Variants in TRIOBP observed in about 807,000 individuals in gnomAD.
The protein encoded by TRIOBP is TRIO and F-actin binding protein, also known as TRIO and F-actin-binding protein.
A neutral mutation model predicts 238.8 loss-of-function variants in TRIOBP; 169 were observed. That is an observed-to-expected ratio of 0.71 (90% CI 0.62 to 0.80). The LOEUF is 0.80. TRIOBP is among the 30% of genes least tolerant of loss of function. TRIOBP has a pLI of 0.00. For synonymous variants in TRIOBP, 1,150 were observed against 1,274.4 expected (o/e 0.90, Z 2.08); for missense variants, 2,838 against 3,122.6 (o/e 0.91, Z 2.17).
intron 11 of TRIOBP, among the ~76,000 whole-genome samples, chr22:37,741,843 A>G (rs1027471360): frequency 2.6e-5 from 4 of 152,212 alleles, no homozygotes; most frequent in Non-Finnish European, 4.4e-5. Flanking sequence ...ACATCTGTCT[A>G]TTAGGAAAAA....
At chr22:37,723,123 G>A (rs1353609305) in intron 6 of TRIOBP, 62 bp from the exon 7 acceptor site, 13 of 1,571,022 alleles carry the variant, frequency 8.3e-6, no homozygotes, top group Non-Finnish European at 1.1e-5. Context: ...ACAAAGAAAG[G>A]TAGAATATGA....
chr22:37,721,023 A>G (rs62236747), intron 6 of TRIOBP, among the ~76,000 whole-genome samples: 2 of 84,640 alleles, frequency 2.4e-5, no homozygotes, highest in Non-Finnish European at 4.2e-5. Context: ...GCATCCGGCT[A>G]ATTTTTTTTT....
intron 8 of TRIOBP, among the ~76,000 whole-genome samples, chr22:37,733,831 C>T (rs978168567): frequency 5.3e-5 from 8 of 152,110 alleles, no homozygotes; most frequent in African/African-American, 1.9e-4. Flanking sequence ...CCACCACACC[C>T]AACTAATTTT....
intron 7 of TRIOBP, among the ~76,000 whole-genome samples, chr22:37,729,898 G>A (rs186660975): frequency 1.2e-4 from 18 of 152,236 alleles, no homozygotes; most frequent in Admixed American, 7.8e-4. Context: ...GCTTATGAGC[G>A]GGTGGCTGTA....
intron 6 of TRIOBP, 102 bp from the exon 7 acceptor site, chr22:37,723,082 TG>T: frequency 2.6e-6 from 3 of 1,149,142 alleles, no homozygotes; most frequent in Non-Finnish European, 3.8e-6. Flanking sequence ...GAGGAGGGTG[TG>T]GGGTTTGCCC....
intron 3 of TRIOBP, among the ~76,000 whole-genome samples, chr22:37,707,628 C>A (rs1028692725): frequency 6.6e-6 from 1 of 151,346 alleles, no homozygotes; most frequent in Non-Finnish European, 1.5e-5. Context: ...AACATGGAGT[C>A]AAAAAATCTG....
chr22:37,772,771 G>A lies in TRIOBP; in HGVS notation c.*2+7G>A. 1 of 1,612,030 alleles carries A rather than the reference G, an allele frequency of 6.2e-7. No homozygotes were observed. On this transcript the variant is annotated splice_region_variant and intron_variant, in intron 23 of 23. Coordinates refer to ENST00000644935, the MANE Select transcript of TRIOBP (RefSeq NM_001039141.3). Reference sequence around the variant, plus strand: ...ACAGCCTGGCTGAGTAGAGGTGGATGCCGAGGCGTGTGCCCTGCAGGGTGG... The same window carrying A: ...ACAGCCTGGCTGAGTAGAGGTGGATACCGAGGCGTGTGCCCTGCAGGGTGG...
chr22:37,771,589 A>C, intron 21 of TRIOBP, 61 bp from the exon 22 acceptor site: 1 of 1,485,424 alleles, frequency 6.7e-7, no homozygotes, highest in Non-Finnish European at 9.4e-7. Context: ...GCTGCAGGGC[A>C]CTATGGGCCA....
Position 37,735,242 on chromosome 22 carries a change from G to C in TRIOBP, c.4906G>C (p.Ala1636Pro), listed in dbSNP as rs754949855. Residue 1636 changes from alanine to proline, a missense_variant, in exon 9 of 24, where the codon GCC (alanine) becomes CCC (proline). Ala to Pro is a conservative substitution (Grantham distance 27). Transcript: ENST00000644935. ...SHSQPEGWAE[A>P]TPVNGHSPAL... Reference sequence around the variant, plus strand: ...CAGCCAGCCAGAAGGCTGGGCCGAGGCCACCCCAGTCAATGGACACAGCCC... The same window carrying C: ...CAGCCAGCCAGAAGGCTGGGCCGAGCCCACCCCAGTCAATGGACACAGCCC... The C allele has an allele frequency of 4.4e-6, 7 of 1,604,184 alleles. No individual in the cohort carries two copies. In the Admixed American group the frequency reaches 8.4e-5, roughly 19 times the overall value.
At chr22:37,733,489 C>G (rs1314275518) in intron 8 of TRIOBP, 77 bp downstream of exon 8, 16 of 1,174,784 alleles carry the variant, frequency 1.4e-5, no homozygotes, top group Non-Finnish European at 1.2e-6. Flanking sequence ...AGAAGCCAGG[C>G]AGGGGGCTTG....
rs1411701835 is a variant in TRIOBP at position 37,774,179 on chromosome 22, CCT to C, written c.*402_*403del. The stretch of plus-strand genomic sequence containing the variant: ...GCTGTGTGCCTCCAACCCTGGTCCC[CCT>C]CTGTCTCCAGCCACCCTCTGCTTGG... On this transcript the variant is annotated 3_prime_UTR_variant, in exon 24 of 24. Coordinates refer to ENST00000644935, the MANE Select transcript of TRIOBP (RefSeq NM_001039141.3). 6.6e-6 allele frequency: 1 copy of C among 152,446 alleles called. No individual in the cohort carries two copies. Among genetic ancestry groups the C allele is most frequent in the Admixed American group, 6.5e-5 (1 of 15,286 alleles). 9.4% of individuals were successfully genotyped at this position (152,446 alleles called of 1,614,324 possible). A position where few individuals can be genotyped will look rare whatever the true frequency, so the allele number is the denominator to read the frequency against.
intron 7 of TRIOBP, 115 bp from the exon 8 acceptor site, chr22:37,733,183 G>C (rs2145841129): frequency 6.2e-6 from 5 of 808,612 alleles, no homozygotes; most frequent in Non-Finnish European, 1.1e-5. Flanking sequence ...CCTTCAACGA[G>C]CTTGCAGTGG....
chr22:37,742,998 C>T (rs918219198), intron 11 of TRIOBP, among the ~76,000 whole-genome samples: 10 of 152,176 alleles, frequency 6.6e-5, no homozygotes, highest in South Asian at 4.1e-4. Flanking sequence ...CTCTGGCTGA[C>T]CTCAGAGCCC....
intron 17 of TRIOBP, among the ~76,000 whole-genome samples, chr22:37,761,320 G>T (rs1249664162): frequency 6.6e-6 from 1 of 152,014 alleles, no homozygotes. Context: ...AGGGCATGGT[G>T]GTGGGCGCCT....
In TRIOBP at chr22:37,735,270, C is replaced by T. The variant is rs1290663527; in HGVS notation, c.4934C>T (p.Ala1645Val). The part of the protein sequence containing the change: ...EATPVNGHSP[A>V]LQSQSPVQLP... ...ACCCCAGTCAATGGACACAGCCCCG[C>T]ACTGCAGTCCCAGAGCCCGGTCCAG... The change falls in exon 9 of 24, where the codon GCA becomes GTA. Residue 1645 changes from alanine (A) to valine (V), a missense_variant. Physicochemically the swap from Ala to Val is moderately conservative, Grantham distance 64. This residue lies in a region of TRIOBP where 2,096 missense variants were observed against 2,137.4 expected (regional missense o/e 0.98). Coordinates refer to ENST00000644935, the MANE Select transcript of TRIOBP (RefSeq NM_001039141.3). 6.2e-7 allele frequency: 1 copy of T among 1,609,376 alleles called. No individual in the cohort carries two copies. The highest frequency in any genetic ancestry group is 8.5e-7 in the Non-Finnish European group (1 of 1,176,630).
Position 37,724,898 on chromosome 22 carries a change from C to G in TRIOBP, c.2342C>G (p.Ser781Cys). The G allele has an allele frequency of 1.2e-6, 2 of 1,613,440 alleles. No individual in the cohort carries two copies. The highest frequency in any genetic ancestry group is 1.7e-6 in the Non-Finnish European group (2 of 1,179,834). Residue 781 changes from serine to cysteine, a missense_variant, in exon 7 of 24, where the codon TCC (serine) becomes TGC (cysteine). Ser to Cys is a moderately radical substitution (Grantham distance 112). Transcript: ENST00000644935. ...ACCCGACAGGACAATCCCAGGACCT[C>G]CTCTCCCAATAGAGCCACACGAGAC... ...SCTRQDNPRT[S>C]SPNRATRDNP...
rs1260357296 is a variant in TRIOBP, at chr22:37,747,440, C to G, written c.5323-4332C>G. ...GGCCTCTTTCAGGGGAGTGGAGACC[C>G]TGCGGAGGAGTGGGTGGGCTGCTGG... On this transcript the variant is annotated intron_variant, in intron 11 of 23. Coordinates refer to ENST00000644935, the MANE Select transcript of TRIOBP (RefSeq NM_001039141.3). 6.1e-5 allele frequency among the ~76,000 whole-genome samples: 9 copies of G among 148,618 alleles called. No individual in the cohort carries two copies. In the South Asian group the frequency reaches 1.3e-3, roughly 22 times the overall value.
intron 7 of TRIOBP, among the ~76,000 whole-genome samples, chr22:37,730,481 G>A (rs183852782): frequency 3.9e-5 from 6 of 152,248 alleles, no homozygotes; most frequent in East Asian, 1.9e-4. Flanking sequence ...TCCCTGCACC[G>A]GGTGTTTCCA....
At chr22:37,701,599 G>C (rs900225150) in intron 3 of TRIOBP, 120 bp downstream of exon 3, 41 of 728,856 alleles carry the variant, frequency 5.6e-5, no homozygotes, top group Non-Finnish European at 4.9e-5. Context: ...CCTGTCGAGA[G>C]CCTCGGTTTT....
Sources: gnomAD v4.1 joint callset for allele counts (sites outside exome capture counted in the v4.1 genomes callset) on GRCh38, gnomAD v4.1.1 for gene constraint, gnomAD v4.1.1 regional missense constraint, MANE v1.5 for transcripts, NCBI Gene and HGNC (gene_info 2026-07-23, HGNC 2026-07-21) for gene names.